Variants in DYNC1I1 observed in about 807,000 individuals in gnomAD.
DYNC1I1 encodes the protein dynein cytoplasmic 1 intermediate chain 1.
In DYNC1I1, 43 loss-of-function variants were observed where a neutral mutation model predicts 86.6. The ratio of observed to expected loss-of-function variants is 0.50; its 90% confidence interval spans 0.39 to 0.64. The LOEUF (loss-of-function observed/expected upper bound fraction) is 0.64, where lower values mean the gene tolerates loss of function less well. DYNC1I1 is among the 30% of genes least tolerant of loss of function. The pLI is 0.00. For synonymous variants in DYNC1I1, 262 were observed against 283.7 expected, an observed-to-expected ratio of 0.92 and a Z score of 0.77; for missense variants, 604 against 788.8, an observed-to-expected ratio of 0.77 and a Z score of 2.81.
chr7:95,904,064 A>G (rs1274462422), intron 6 of DYNC1I1, among the ~76,000 whole-genome samples: 3 of 151,472 alleles, frequency 2.0e-5, no homozygotes, highest in African/African-American at 7.3e-5. Flanking sequence ...GTTTTGCCTT[A>G]TTTTTCTGGA....
chr7:95,917,319 T>G (rs1268936004), intron 6 of DYNC1I1, among the ~76,000 whole-genome samples: 1 of 152,174 alleles, frequency 6.6e-6, no homozygotes, highest in African/African-American at 2.4e-5. Flanking sequence ...CAGGCAGTGC[T>G]GAGAGGTGAT....
Position 95,895,263 on chromosome 7 carries a change from C to A in DYNC1I1, c.490+25265C>A, listed in dbSNP as rs1243128403. Among the ~76,000 whole-genome samples, 7 of 152,096 alleles carry A rather than the reference C, an allele frequency of 4.6e-5. No individual in the cohort carries two copies. The East Asian group carries it at 1.2e-3, about 25-fold the overall frequency. ...GAGTATAGTTCATTGTTGTTGAGTA[C>A]AATAAGAGAAAATGACACTTCAAAA... On this transcript the variant is annotated intron_variant, in intron 6 of 16. Coordinates refer to ENST00000447467, the MANE Select transcript of DYNC1I1 (RefSeq NM_001135556.2).
At chr7:96,004,149 T>G (rs1794083199) in intron 10 of DYNC1I1, among the ~76,000 whole-genome samples, 1 of 152,228 alleles carries the variant, frequency 6.6e-6, no homozygotes, top group Non-Finnish European at 1.5e-5. Context: ...CGGGGAAGTT[T>G]TCTAACCTCT....
At chr7:96,096,433 A>T (rs1007712468) in intron 16 of DYNC1I1, among the ~76,000 whole-genome samples, 1 of 152,184 alleles carries the variant, frequency 6.6e-6, no homozygotes, top group Non-Finnish European at 1.5e-5. Flanking sequence ...ATTATAGCGT[A>T]AAACTCCAAG....
At chr7:95,847,826 G>A (rs2706876) in intron 5 of DYNC1I1, among the ~76,000 whole-genome samples, 77,243 of 151,892 alleles carry the variant, frequency 0.51, 21,845 homozygotes, top group Non-Finnish European at 0.65. Flanking sequence ...ACTGATTCCT[G>A]CCTATCCTTG....
At chr7:95,957,600 A>G (rs961120843) in intron 6 of DYNC1I1, among the ~76,000 whole-genome samples, 20 of 152,128 alleles carry the variant, frequency 1.3e-4, no homozygotes, top group African/African-American at 4.8e-4. Flanking sequence ...GGCCCTATAG[A>G]CATGCAGGTG....
rs534725144 is a variant in DYNC1I1, at chr7:95,935,792, G to A, written c.491-41720G>A. Reference sequence around the variant, plus strand: ...CTAATACCCTGATTAAGAAATGGACGACAGATTTAAATAGACATTTCTCCA... The same window carrying A: ...CTAATACCCTGATTAAGAAATGGACAACAGATTTAAATAGACATTTCTCCA... On this transcript the variant is annotated intron_variant, in intron 6 of 16. Transcript: ENST00000447467. 6.2e-4 allele frequency among the ~76,000 whole-genome samples: 94 copies of A among 151,986 alleles called. 1 individual carries two copies. Among genetic ancestry groups the A allele is most frequent in the Non-Finnish European group, 1.5e-4 (10 of 67,854 alleles).
At chr7:95,785,277 G>T (rs950493127) in intron 1 of DYNC1I1, among the ~76,000 whole-genome samples, 1 of 152,094 alleles carries the variant, frequency 6.6e-6, no homozygotes, top group Non-Finnish European at 1.5e-5. Context: ...AGCCAGGCAT[G>T]GTGGTGCGCA....
intron 9 of DYNC1I1, among the ~76,000 whole-genome samples, 173 bp downstream of exon 9, chr7:95,987,328 A>G (rs1397466436): frequency 1.3e-5 from 2 of 152,014 alleles, no homozygotes; most frequent in Admixed American, 1.3e-4. Context: ...ATTTGTATTT[A>G]TTGAGTACCT....
intron 1 of DYNC1I1, among the ~76,000 whole-genome samples, chr7:95,803,422 G>A (rs868432697): frequency 1.3e-5 from 2 of 152,236 alleles, no homozygotes; most frequent in Admixed American, 1.3e-4. Context: ...GTGTGATCAT[G>A]AGTGGCACAG....
At chr7:95,910,135 A>G (rs1346088620) in intron 6 of DYNC1I1, among the ~76,000 whole-genome samples, 1 of 152,092 alleles carries the variant, frequency 6.6e-6, no homozygotes, top group Non-Finnish European at 1.5e-5. Flanking sequence ...GACCTATCTG[A>G]ATTGGAGGAC....
intron 16 of DYNC1I1, among the ~76,000 whole-genome samples, chr7:96,084,016 A>G (rs1158722408): frequency 3.3e-5 from 5 of 152,104 alleles, no homozygotes; most frequent in African/African-American, 1.2e-4. Context: ...AAGACATCTC[A>G]TATTCATTCT....
At chr7:95,932,627 T>G (rs531168729) in intron 6 of DYNC1I1, among the ~76,000 whole-genome samples, 1 of 152,334 alleles carries the variant, frequency 6.6e-6, no homozygotes, top group African/African-American at 2.4e-5. Flanking sequence ...GTCAAGCTTC[T>G]AGGAACTTCC....
chr7:96,057,055 G>A (rs1789598385), intron 14 of DYNC1I1, among the ~76,000 whole-genome samples: 1 of 152,094 alleles, frequency 6.6e-6, no homozygotes, highest in Admixed American at 6.6e-5. Context: ...CATAAACTAG[G>A]CACATAAATG....
intron 15 of DYNC1I1, among the ~76,000 whole-genome samples, chr7:96,077,274 TGTGG>T (rs1438531310): frequency 1.3e-4 from 18 of 139,252 alleles, no homozygotes; most frequent in South Asian, 4.6e-4. Context: ...TGTGTGTGTG[TGTGG>T]GAGGGGGCAG....
At chr7:96,009,830 A>C (rs2115840219) in intron 10 of DYNC1I1, among the ~76,000 whole-genome samples, 1 of 151,104 alleles carries the variant, frequency 6.6e-6, no homozygotes, top group African/African-American at 2.4e-5. Context: ...TCCAGGCTGG[A>C]GTTCAGTGGC....
chr7:96,080,841 G>T (rs1295183646), intron 16 of DYNC1I1, among the ~76,000 whole-genome samples: 1 of 152,226 alleles, frequency 6.6e-6, no homozygotes, highest in Admixed American at 6.5e-5. Context: ...GGAGGCCGTG[G>T]CAGGTGGATC....
At chr7:95,891,115 C>G (rs1790725248) in intron 6 of DYNC1I1, among the ~76,000 whole-genome samples, 1 of 152,082 alleles carries the variant, frequency 6.6e-6, no homozygotes, top group African/African-American at 2.4e-5. Context: ...AGGACCCAGG[C>G]ACACACAGAG....
downstream of DYNC1I1, among the ~76,000 whole-genome samples, chr7:96,100,886 C>T (rs1791125455): frequency 6.6e-6 from 1 of 152,110 alleles, no homozygotes; most frequent in Non-Finnish European, 1.5e-5. Flanking sequence ...AGAAGACACA[C>T]TCAAGGGTTA....
Sources: allele counts gnomAD v4.1 joint callset (sites outside exome capture counted in the v4.1 genomes callset), GRCh38; gene constraint gnomAD v4.1.1; transcripts MANE v1.5; gene names NCBI Gene and HGNC (gene_info 2026-07-23, HGNC 2026-07-21).